Variants in PTPRG observed in about 807,000 individuals in gnomAD.
PTPRG encodes protein tyrosine phosphatase receptor type G.
In PTPRG, 102 loss-of-function variants were observed where a neutral mutation model predicts 165.3. That is an observed-to-expected ratio of 0.62 (90% CI 0.53 to 0.73). PTPRG has a LOEUF of 0.73. PTPRG is among the 30% of genes least tolerant of loss of function. PTPRG has a pLI of 0.00. For missense variants in PTPRG, 1,866 were observed against 1,861.4 expected (o/e 1.00, Z -0.05); for synonymous variants, 675 against 669.5 (o/e 1.01, Z -0.13).
At chr3:62,104,551 C>T (rs193132072) in intron 5 of PTPRG, among the ~76,000 whole-genome samples, 3 of 152,268 alleles carry the variant, frequency 2.0e-5, no homozygotes, top group East Asian at 3.9e-4. Flanking sequence ...TGATGAAGTA[C>T]CTTGTATGCA....
At chr3:61,880,978 T>G (rs947481646) in intron 2 of PTPRG, among the ~76,000 whole-genome samples, 3 of 151,908 alleles carry the variant, frequency 2.0e-5, no homozygotes, top group African/African-American at 7.2e-5. Flanking sequence ...TTAAATTTTG[T>G]TATAGCCCCT....
chr3:61,642,454 C>G (rs1295844786), intron 1 of PTPRG, among the ~76,000 whole-genome samples: 1 of 152,182 alleles, frequency 6.6e-6, no homozygotes, highest in Non-Finnish European at 1.5e-5. Flanking sequence ...TCTGGGAAAG[C>G]AACTGAAGAG....
intron 5 of PTPRG, among the ~76,000 whole-genome samples, chr3:62,122,847 C>CT (rs1333197231): frequency 6.6e-6 from 1 of 152,094 alleles, no homozygotes; most frequent in East Asian, 1.9e-4. Flanking sequence ...GGGGAAATGC[C>CT]TTTTGATAGC....
intron 2 of PTPRG, among the ~76,000 whole-genome samples, chr3:61,772,421 A>C (rs1000990036): frequency 6.6e-6 from 1 of 152,010 alleles, no homozygotes; most frequent in African/African-American, 2.4e-5. Context: ...TTGTATCATT[A>C]ATATTTTTAT....
At chr3:61,896,189 C>T (rs140571675) in intron 2 of PTPRG, among the ~76,000 whole-genome samples, 2 of 152,250 alleles carry the variant, frequency 1.3e-5, no homozygotes, top group East Asian at 3.9e-4. Flanking sequence ...CTCATGTTTC[C>T]CTTTTATAAC....
chr3:62,037,612 G>T (rs183842300), intron 4 of PTPRG, among the ~76,000 whole-genome samples: 1 of 152,282 alleles, frequency 6.6e-6, no homozygotes, highest in African/African-American at 2.4e-5. Flanking sequence ...TTCATCAATA[G>T]TCAAATTTCA....
intron 1 of PTPRG, among the ~76,000 whole-genome samples, chr3:61,674,473 T>C (rs1336011701): frequency 9.3e-6 from 1 of 107,502 alleles, no homozygotes; most frequent in Admixed American, 1.5e-4. Context: ...GGCGATAGAG[T>C]GAGACTCCAT....
intron 5 of PTPRG, among the ~76,000 whole-genome samples, chr3:62,118,063 A>G (rs2106879629): frequency 6.6e-6 from 1 of 152,314 alleles, no homozygotes; most frequent in Admixed American, 6.5e-5. Flanking sequence ...CTCTGAGGAA[A>G]GTACAGCCCT....
intron 6 of PTPRG, among the ~76,000 whole-genome samples, chr3:62,148,588 AC>A (rs895226196): frequency 1.3e-5 from 2 of 151,966 alleles, no homozygotes; most frequent in Non-Finnish European, 1.5e-5. Context: ...ACATGGTGAA[AC>A]CCTGTCTCTA....
In PTPRG at chr3:61,577,699, G is replaced by A. The variant is rs188258659; in HGVS notation, c.85+15327G>A. ...AGCTCGCATTGTATTTTTATCGGAC[G>A]GCACTGGTCTAGAGAGCTCTTTCCA... On this transcript the variant is annotated intron_variant, in intron 1 of 29. Coordinates refer to ENST00000474889, the MANE Select transcript of PTPRG (RefSeq NM_002841.4). 2.6e-4 allele frequency among the ~76,000 whole-genome samples: 40 copies of A among 152,176 alleles called. 1 individual carries two copies. The highest frequency in any genetic ancestry group is 2.3e-3 in the Admixed American group (35 of 15,286).
chr3:61,673,797 G>T (rs1230665922), intron 1 of PTPRG, among the ~76,000 whole-genome samples: 1 of 152,166 alleles, frequency 6.6e-6, no homozygotes, highest in Non-Finnish European at 1.5e-5. Flanking sequence ...GAGGATTGGA[G>T]TAAGAAGAAT....
At chr3:61,731,349 C>CTT (rs543374959) in intron 1 of PTPRG, among the ~76,000 whole-genome samples, 2,250 of 132,162 alleles carry the variant, frequency 0.017, 30 homozygotes, top group South Asian at 0.033. Context: ...TTCCTTTTTC[C>CTT]TTTTTTTTTT....
intron 4 of PTPRG, among the ~76,000 whole-genome samples, chr3:62,060,656 C>G (rs1700778882): frequency 1.3e-5 from 2 of 151,426 alleles, no homozygotes; most frequent in South Asian, 4.1e-4. Context: ...TTGTTGTTGT[C>G]TTGTATTTCT....
Position 62,219,032 on chromosome 3 carries a change from C to T in PTPRG, c.2288+49C>T, listed in dbSNP as rs1283239954. 1.2e-6 allele frequency: 2 copies of T among 1,603,552 alleles called. No individual in the cohort carries two copies. Among genetic ancestry groups the T allele is most frequent in the East Asian group, 2.2e-5 (1 of 44,552 alleles). The stretch of plus-strand genomic sequence containing the variant: ...GTAGATTTGGGGGCCAGATGCTGGC[C>T]AGGTTTTGCTCACGGGAGGGGAATC... On this transcript the variant is annotated intron_variant, in intron 13 of 29. Transcript: ENST00000474889. The surrounding 1 kb of genome is among the most constrained non-coding windows in gnomAD (Gnocchi z 4.5).
chr3:61,842,465 G>A (rs1391195038), intron 2 of PTPRG, among the ~76,000 whole-genome samples: 1 of 152,102 alleles, frequency 6.6e-6, no homozygotes, highest in Non-Finnish European at 1.5e-5. Context: ...TTCATTACAT[G>A]TTCCCCTCCT....
chr3:61,969,621 C>G (rs2040341133), intron 2 of PTPRG, among the ~76,000 whole-genome samples: 1 of 152,010 alleles, frequency 6.6e-6, no homozygotes, highest in African/African-American at 2.4e-5. Flanking sequence ...GGAACTGGCG[C>G]CTTTTAGAAA....
intron 8 of PTPRG, among the ~76,000 whole-genome samples, chr3:62,182,209 CA>C (rs1399614066): frequency 6.6e-6 from 1 of 152,098 alleles, no homozygotes; most frequent in African/African-American, 2.4e-5. Flanking sequence ...TGCCCTGTCT[CA>C]GGGGTGGAAA....
At chr3:61,861,351 A>G (rs1233708017) in intron 2 of PTPRG, among the ~76,000 whole-genome samples, 1 of 152,122 alleles carries the variant, frequency 6.6e-6, no homozygotes, top group East Asian at 1.9e-4. Flanking sequence ...GCTTTTGTCA[A>G]GCTGGGGGCC....
In PTPRG at chr3:61,816,728, C is replaced by T. The variant is rs912440638; in HGVS notation, c.190+67746C>T. Among the ~76,000 whole-genome samples the T allele has an allele frequency of 2.6e-5, 4 of 151,712 alleles. No individual in the cohort carries two copies. In the East Asian group the frequency reaches 7.7e-4, roughly 29 times the overall value. On this transcript the variant is annotated intron_variant, in intron 2 of 29. Transcript: ENST00000474889. ...GGAGGCACATGGATGGCTGTTTTTG[C>T]AGCGGTCTTGATGAGATATGATGAA...
Sources: allele counts gnomAD v4.1 joint callset (sites outside exome capture counted in the v4.1 genomes callset), GRCh38; gene constraint gnomAD v4.1.1; non-coding constraint Gnocchi (gnomAD v3.1); transcripts MANE v1.5; gene names NCBI Gene and HGNC (gene_info 2026-07-23, HGNC 2026-07-21).